Variants in LRMDA observed in about 807,000 individuals in gnomAD.
LRMDA encodes the protein leucine-rich melanocyte differentiation-associated protein.
Under a neutral mutation model 29.8 loss-of-function variants are expected in LRMDA, and 18 were observed. The ratio of observed to expected loss-of-function variants is 0.60; its 90% confidence interval spans 0.42 to 0.90. LRMDA has a LOEUF of 0.90. LRMDA is among the 40% of genes least tolerant of loss of function. The pLI is 0.00. For missense variants in LRMDA, 273 were observed against 273.9 expected (o/e 1.00, Z 0.02); for synonymous variants, 125 against 109.4 (o/e 1.14, Z -0.89).
At chr10:76,449,490 C>T (rs1270004391) in intron 6 of LRMDA, among the ~76,000 whole-genome samples, 1 of 151,670 alleles carries the variant, frequency 6.6e-6, no homozygotes, top group Non-Finnish European at 1.5e-5. Flanking sequence ...TCAATAAAAC[C>T]ATCTTTTACA....
intron 1 of LRMDA, among the ~76,000 whole-genome samples, chr10:75,433,172 A>T (rs1055703733): frequency 2.7e-4 from 41 of 152,126 alleles, no homozygotes; most frequent in African/African-American, 9.9e-4. Context: ...TATCTACCTA[A>T]GAAGGAGGGT....
chr10:76,462,294 T>G (rs541429095), intron 6 of LRMDA, among the ~76,000 whole-genome samples: 1 of 152,218 alleles, frequency 6.6e-6, no homozygotes, highest in Admixed American at 6.5e-5. Context: ...GACTGGGAAT[T>G]AAGACACCTG....
intron 2 of LRMDA, among the ~76,000 whole-genome samples, chr10:75,767,137 A>G (rs1423583398): frequency 1.3e-5 from 2 of 152,240 alleles, no homozygotes; most frequent in Non-Finnish European, 2.9e-5. Context: ...AGGATGATTT[A>G]TAATCCTTTG....
At chr10:75,826,321 A>G (rs1354218973) in intron 2 of LRMDA, among the ~76,000 whole-genome samples, 1 of 152,144 alleles carries the variant, frequency 6.6e-6, no homozygotes, top group Non-Finnish European at 1.5e-5. Context: ...GAATGCAAGT[A>G]TATCTCAATT....
In LRMDA at chr10:76,315,296, C is replaced by A. The variant is rs143247810; in HGVS notation, c.517-9105C>A. On this transcript the variant is annotated intron_variant, in intron 5 of 6. Transcript: ENST00000611255. Reference sequence around the variant, plus strand: ...CCAGGAACAGACAAGAGCCCCACCCCCTAACCAGTTGAAGGGGCGGGAGCC... The same window carrying A: ...CCAGGAACAGACAAGAGCCCCACCCACTAACCAGTTGAAGGGGCGGGAGCC... Among the ~76,000 whole-genome samples the A allele has an allele frequency of 4.1e-3, 627 of 152,350 alleles. 7 individuals carry two copies. The highest frequency in any genetic ancestry group is 0.034 in the Middle Eastern group (10 of 294).
At chr10:76,503,533 C>G (rs762986138) in intron 6 of LRMDA, among the ~76,000 whole-genome samples, 11 of 151,032 alleles carry the variant, frequency 7.3e-5, no homozygotes, top group Non-Finnish European at 1.3e-4. Context: ...CAGGTTTTCA[C>G]TTTCTTCCTG....
intron 6 of LRMDA, among the ~76,000 whole-genome samples, chr10:76,512,411 G>C (rs962023832): frequency 5.3e-5 from 8 of 152,120 alleles, no homozygotes; most frequent in African/African-American, 1.9e-4. Context: ...TAAAAATTCA[G>C]AAATAAAGCC....
intron 6 of LRMDA, among the ~76,000 whole-genome samples, chr10:76,356,524 G>A (rs995937432): frequency 6.6e-6 from 1 of 152,020 alleles, no homozygotes; most frequent in African/African-American, 2.4e-5. Context: ...TTTTAAACTG[G>A]AGGGATTGGT....
intron 6 of LRMDA, among the ~76,000 whole-genome samples, chr10:76,383,622 G>T (rs2132474764): frequency 6.7e-6 from 1 of 149,264 alleles, no homozygotes; most frequent in Admixed American, 6.6e-5. Flanking sequence ...AGTAGAGACG[G>T]GGTTTCACCT....
intron 2 of LRMDA, among the ~76,000 whole-genome samples, chr10:75,464,936 G>A (rs1467733533): frequency 4.6e-5 from 7 of 152,166 alleles, no homozygotes; most frequent in Non-Finnish European, 8.8e-5. Context: ...GTAATTGGGA[G>A]GATGAAACTG....
chr10:76,021,508 A>G (rs1338234829), intron 2 of LRMDA, among the ~76,000 whole-genome samples: 2 of 152,234 alleles, frequency 1.3e-5, no homozygotes, highest in East Asian at 3.8e-4. Flanking sequence ...TAATCCACCC[A>G]GAGGCCTGTC....
chr10:75,618,382 C>CTCTCTCTCTCTA (rs1338091170), intron 2 of LRMDA, among the ~76,000 whole-genome samples: 4 of 77,022 alleles, frequency 5.2e-5, no homozygotes, highest in African/African-American at 1.7e-4. Context: ...CTCTCTCTCT[C>CTCTCTCTCTCTA]TATATATATA....
At chr10:76,528,095 A>G (rs1405920336) in intron 6 of LRMDA, among the ~76,000 whole-genome samples, 1 of 152,198 alleles carries the variant, frequency 6.6e-6, no homozygotes, top group Non-Finnish European at 1.5e-5. Context: ...GATTGGGTGC[A>G]TATTAATATG....
At chr10:76,040,615 C>T (rs1848324586) in intron 3 of LRMDA, among the ~76,000 whole-genome samples, 1 of 152,120 alleles carries the variant, frequency 6.6e-6, no homozygotes, top group Non-Finnish European at 1.5e-5. Flanking sequence ...ATGCACACGC[C>T]ATCCCCAACT....
chr10:75,547,248 G>A (rs770646143), intron 2 of LRMDA, among the ~76,000 whole-genome samples: 1 of 152,178 alleles, frequency 6.6e-6, no homozygotes, highest in Non-Finnish European at 1.5e-5. Flanking sequence ...GCATTACTGA[G>A]TATCTCTGGA....
intron 5 of LRMDA, among the ~76,000 whole-genome samples, chr10:76,304,864 CAGG>C (rs764158131): frequency 2.7e-4 from 41 of 152,078 alleles, no homozygotes; most frequent in Non-Finnish European, 5.1e-4. Context: ...CCTGCGGGAG[CAGG>C]AGAACACCAC....
intron 2 of LRMDA, among the ~76,000 whole-genome samples, chr10:75,898,322 G>A (rs1358444648): frequency 1.3e-5 from 2 of 152,128 alleles, no homozygotes; most frequent in African/African-American, 4.8e-5. Flanking sequence ...ACCTGGTAAG[G>A]GAAAGGGAAA....
chr10:75,489,490 C>G (rs558343853), intron 2 of LRMDA, among the ~76,000 whole-genome samples: 3 of 152,314 alleles, frequency 2.0e-5, no homozygotes, highest in Admixed American at 6.5e-5. Context: ...ATTTGGGATT[C>G]TCAAACATTA....
At chr10:75,678,643 A>G (rs896293665) in intron 2 of LRMDA, among the ~76,000 whole-genome samples, 2 of 152,176 alleles carry the variant, frequency 1.3e-5, no homozygotes, top group African/African-American at 2.4e-5. Flanking sequence ...CCTCTTCTTC[A>G]TTTGCTTTTC....
Sources: allele counts gnomAD v4.1 joint callset (sites outside exome capture counted in the v4.1 genomes callset), GRCh38; gene constraint gnomAD v4.1.1; transcripts MANE v1.5; gene names NCBI Gene and HGNC (gene_info 2026-07-23, HGNC 2026-07-21).